KCNH4: variants seen among roughly 807,000 people sequenced by gnomAD.
KCNH4 encodes voltage-gated delayed rectifier potassium channel KCNH4.
KCNH4 carries 33 observed loss-of-function variants against 90.7 expected under a neutral mutation model. That is an observed-to-expected ratio of 0.36 (90% CI 0.28 to 0.49). The LOEUF is 0.49. Among genes scored for constraint, KCNH4 ranks in the 20% least tolerant of loss-of-function variants. The pLI is 0.98. For synonymous variants in KCNH4, 551 were observed against 581.7 expected, an observed-to-expected ratio of 0.95 and a Z score of 0.76; for missense variants, 1,044 against 1,387.1, an observed-to-expected ratio of 0.75 and a Z score of 3.93.
intron 11 of KCNH4, among the ~76,000 whole-genome samples, chr17:42,164,872 G>A (rs562468638): frequency 2.0e-4 from 31 of 151,576 alleles, no homozygotes; most frequent in African/African-American, 7.0e-4. Context: ...TTGGGAGGCC[G>A]AGGTGGGTGG....
rs751325036 is a variant in KCNH4, at chr17:42,162,269, C to T, written c.2637G>A (p.Lys879=). Reference sequence around the variant, plus strand: ...CCACCTCCTGGTTCAGCCGGCAAACCTTTTCCTTCACCTCCTCAGCCTCAC... The same window carrying T: ...CCACCTCCTGGTTCAGCCGGCAAACTTTTTCCTTCACCTCCTCAGCCTCAC... ...LASEAEEVKE[K]VCRLNQEISR... Residue 879 remains lysine, a synonymous_variant, in exon 15 of 17, where the codon AAG becomes AAA. Transcript: ENST00000264661. The T allele has an allele frequency of 1.2e-6, 2 of 1,614,020 alleles. No individual in the cohort carries two copies. Among genetic ancestry groups the T allele is most frequent in the South Asian group, 2.2e-5 (2 of 91,070 alleles).
chr17:42,161,172 C>T (rs2079746141), intron 15 of KCNH4, among the ~76,000 whole-genome samples: 1 of 152,148 alleles, frequency 6.6e-6, no homozygotes, highest in South Asian at 2.1e-4. Flanking sequence ...TCGTGATCCA[C>T]CCACCTTAGC....
chr17:42,158,542 A>AT (rs1228057319), intron 16 of KCNH4, among the ~76,000 whole-genome samples: 2 of 139,326 alleles, frequency 1.4e-5, no homozygotes, highest in African/African-American at 2.7e-5. Context: ...AAAAAAAAAA[A>AT]ATATTTTTAT....
chr17:42,170,561 G>T (rs1171710591), intron 7 of KCNH4, among the ~76,000 whole-genome samples: 1 of 152,270 alleles, frequency 6.6e-6, no homozygotes, highest in Admixed American at 6.5e-5. Context: ...TGTATACAAA[G>T]TGTTGGGGAA....
At chr17:42,161,730 G>T (rs1039946723) in intron 15 of KCNH4, among the ~76,000 whole-genome samples, 1 of 152,210 alleles carries the variant, frequency 6.6e-6, no homozygotes, top group African/African-American at 2.4e-5. Context: ...CGGGGAGGAA[G>T]GAAACCAACT....
In KCNH4 at chr17:42,178,256, T is replaced by C. The variant is rs769773726; in HGVS notation, c.458-29A>G. 10 of 1,614,068 alleles carry C rather than the reference T, an allele frequency of 6.2e-6. No individual in the cohort carries two copies. The African/African-American group carries it at 6.7e-5, about 11-fold the overall frequency. On this transcript the variant is annotated intron_variant, in intron 3 of 16. Coordinates refer to ENST00000264661, the MANE Select transcript of KCNH4 (RefSeq NM_012285.3). ...TTGGGAAGAAAGGTGCAGAGATACG[T>C]TGGGGCACATCCCTTGCGGCTGGTT...
At chr17:42,160,946 G>C (rs1427250728) in intron 15 of KCNH4, among the ~76,000 whole-genome samples, 3 of 52,544 alleles carry the variant, frequency 5.7e-5, no homozygotes, top group African/African-American at 1.6e-4. Flanking sequence ...TTTTTTTTTT[G>C]AGATGGAGTC....
intron 16 of KCNH4, among the ~76,000 whole-genome samples, chr17:42,157,584 C>T (rs778617571): frequency 1.2e-4 from 19 of 152,282 alleles, no homozygotes; most frequent in African/African-American, 2.2e-4. Context: ...TGTTGGCCCA[C>T]GGTAGCCTGA....
chr17:42,163,060 G>A lies in KCNH4; in HGVS notation c.2584+168C>T, dbSNP rs2079759741. On this transcript the variant is annotated intron_variant, in intron 14 of 16. Coordinates refer to ENST00000264661, the MANE Select transcript of KCNH4 (RefSeq NM_012285.3). This position sits in a 1 kb window ranked among gnomAD's most constrained non-coding sequence, Gnocchi z 5.4. ...ATCTGGAATTGTTTATCTGTGTACAGAGGTGTCTCCCTGCTAGACTTACTC... is the reference window on the plus strand; with the variant it reads ...ATCTGGAATTGTTTATCTGTGTACAAAGGTGTCTCCCTGCTAGACTTACTC... 6.6e-6 allele frequency among the ~76,000 whole-genome samples: 1 copy of A among 152,232 alleles called. No individual in the cohort carries two copies. Among genetic ancestry groups the A allele is most frequent in the Non-Finnish European group, 1.5e-5 (1 of 68,048 alleles).
At chr17:42,174,116 C>A (rs942793857) in intron 6 of KCNH4, among the ~76,000 whole-genome samples, 2 of 152,108 alleles carry the variant, frequency 1.3e-5, no homozygotes, top group African/African-American at 2.4e-5. Context: ...TGCCAGCACA[C>A]CCGGCTAATT....
chr17:42,178,611 G>T, intron 2 of KCNH4, 134 bp from the exon 3 acceptor site: 2 of 1,253,618 alleles, frequency 1.6e-6, no homozygotes, highest in Non-Finnish European at 2.2e-6. Context: ...CAGAGATTCT[G>T]TCAGCCGATT....
chr17:42,162,841 C>T (rs1354115508), intron 14 of KCNH4, among the ~76,000 whole-genome samples: 1 of 152,172 alleles, frequency 6.6e-6, no homozygotes, highest in Admixed American at 6.5e-5. Context: ...GATCCACCCT[C>T]ATCAGCCTCC....
rs1462326617 is a variant in KCNH4 at position 42,169,585 on chromosome 17, G to A, written c.1482C>T (p.Asp494=). 6.2e-7 allele frequency: 1 copy of A among 1,613,974 alleles called. No individual in the cohort carries two copies. Among genetic ancestry groups the A allele is most frequent in the Non-Finnish European group, 8.5e-7 (1 of 1,179,996 alleles). ...RRSLYHSRMK[D]LKDFIRVHRL... is the part of the protein sequence containing the mutation. ...GGTGCACACGGATGAAGTCCTTGAG[G>A]TCCTTCATGCGGCTGTGGTAGAGCG... Residue 494 remains aspartate (D), a synonymous_variant, in exon 9 of 17, where the codon GAC becomes GAT. Coordinates refer to ENST00000264661, the MANE Select transcript of KCNH4 (RefSeq NM_012285.3).
At chr17:42,164,311 CA>C in intron 11 of KCNH4, 143 bp from the exon 12 acceptor site, 1 of 696,708 alleles carries the variant, frequency 1.4e-6, no homozygotes, top group Non-Finnish European at 2.3e-6. Flanking sequence ...AACCCTAACT[CA>C]AACAAACACT....
At chr17:42,162,196 G>A (rs371501073) in intron 15 of KCNH4, 52 bp downstream of exon 15, 30 of 1,506,532 alleles carry the variant, frequency 2.0e-5, no homozygotes, top group African/African-American at 1.4e-4. Flanking sequence ...GCCACGTGTA[G>A]GGTCTGAAAT....
At position 42,178,177 on chromosome 17, in the gene KCNH4, T is replaced by C. The variant is rs1163084373; in HGVS notation, c.508A>G (p.Arg170Gly). Residue 170 changes from arginine to glycine, a missense_variant, in exon 4 of 17, where the codon AGA (arginine) becomes GGA (glycine). By Grantham distance (125) the Arg-to-Gly change is moderately radical (BLOSUM62 -2). This residue lies in a region of KCNH4 where 283 missense variants were observed against 378.6 expected (regional missense o/e 0.75). Transcript: ENST00000264661. ...GATWKFRSAR[R>G]RSRTVLHRLT... ...CGGTGTAGGACAGTACGGCTCCGTC[T>C]TCTGGCAGACCGAAATTTCCAGGTG... 2 of 1,614,212 alleles carry C rather than the reference T, an allele frequency of 1.2e-6. No homozygotes were observed. Among genetic ancestry groups the C allele is most frequent in the Non-Finnish European group, 1.7e-6 (2 of 1,180,028 alleles).
At chr17:42,165,424 T>C in intron 11 of KCNH4, 25 bp downstream of exon 11, 2 of 1,610,742 alleles carry the variant, frequency 1.2e-6, no homozygotes, top group South Asian at 2.2e-5. Context: ...TCTGGAAGGA[T>C]GGCGGTCATC....
At position 42,180,397 on chromosome 17, in the gene KCNH4, C is replaced by A. The variant is rs1021520334; in HGVS notation, c.76+473G>T. Among the ~76,000 whole-genome samples, 15 of 152,118 alleles carry A rather than the reference C, an allele frequency of 9.9e-5. No homozygotes were observed. Among genetic ancestry groups the A allele is most frequent in the Non-Finnish European group, 1.2e-4 (8 of 68,012 alleles). On this transcript the variant is annotated intron_variant, in intron 1 of 16. Transcript: ENST00000264661. The surrounding 1 kb of genome is among the most constrained non-coding windows in gnomAD (Gnocchi z 4.7). ...GCCTCACCCACCTTAGACACTGACG[C>A]CCCACGATTTGGGGGCGCGCGACCT...
Position 42,159,895 on chromosome 17 carries a change from G to A in KCNH4, c.*145C>T, listed in dbSNP as rs1267108514. ...AGGGAATAGCGTCAGAGGTAACCAC[G>A]CTTCATTAAAAAGTCCAGAAATCCA... is the stretch of plus-strand genomic sequence containing the variant. On this transcript the variant is annotated 3_prime_UTR_variant, in exon 16 of 17. Coordinates refer to ENST00000264661, the MANE Select transcript of KCNH4 (RefSeq NM_012285.3). 1.1e-5 allele frequency: 6 copies of A among 546,528 alleles called. No individual in the cohort carries two copies. The Admixed American group carries it at 1.5e-4, about 14-fold the overall frequency. 33.9% of individuals were successfully genotyped at this position (546,528 alleles called of 1,614,324 possible).
Sources: allele counts gnomAD v4.1 joint callset (sites outside exome capture counted in the v4.1 genomes callset), GRCh38; gene constraint gnomAD v4.1.1; regional missense constraint gnomAD v4.1.1; non-coding constraint Gnocchi (gnomAD v3.1); transcripts MANE v1.5; gene names NCBI Gene and HGNC (gene_info 2026-07-23, HGNC 2026-07-21).